The following CHIC2 variants were observed in gnomAD, a reference collection of about 807,000 sequenced individuals.
CHIC2 encodes the protein cysteine rich hydrophobic domain 2.
CHIC2 carries 14 observed loss-of-function variants against 25.9 expected under a neutral mutation model. That is an observed-to-expected ratio of 0.54 (90% CI 0.36 to 0.85). CHIC2 has a LOEUF of 0.85. CHIC2 is among the 40% of genes least tolerant of loss of function. The pLI, the probability that CHIC2 is intolerant of heterozygous loss-of-function variation, is 0.01. For missense variants in CHIC2, 146 were observed against 202.0 expected, an observed-to-expected ratio of 0.72 and a Z score of 1.68; for synonymous variants, 70 against 72.0, an observed-to-expected ratio of 0.97 and a Z score of 0.14.
At chr4:54,080,020 G>A in the CHIC2 span, among the ~76,000 whole-genome samples, 1 of 151,056 alleles carries the variant, frequency 6.6e-6, no homozygotes, top group South Asian at 2.1e-4. Context: ...AAATGAAATC[G>A]GTATCTCAAA....
At chr4:54,078,938 C>T in the CHIC2 span, among the ~76,000 whole-genome samples, 7 of 151,364 alleles carry the variant, frequency 4.6e-5, no homozygotes, top group African/African-American at 7.3e-5. Flanking sequence ...CTTACAGAGC[C>T]GGGTGCGGTG....
Position 54,064,201 on chromosome 4 carries a change from C to G in CHIC2, c.100G>C (p.Gly34Arg). 1 of 1,604,942 alleles carries G rather than the reference C, an allele frequency of 6.2e-7. No individual in the cohort carries two copies. The highest frequency in any genetic ancestry group is 8.5e-7 in the Non-Finnish European group (1 of 1,175,888). ...CCTTACACGGTGACGTGACCGGAGC[C>G]GCGGACGACCACCGGGTCCGGCGAG... ...KYSPDPVVVRGSGHVTVFGLS... is the reference protein window; with the variant it reads ...KYSPDPVVVRRSGHVTVFGLS... Residue 34 changes from glycine to arginine, a missense_variant, in exon 1 of 6, where the codon GGC (glycine) becomes CGC (arginine). Gly to Arg is a moderately radical substitution (Grantham distance 125). Transcript: ENST00000263921. The surrounding 1 kb of genome is among the most constrained non-coding windows in gnomAD (Gnocchi z 4.2).
the CHIC2 span, chr4:54,087,646 T>C: frequency 1.7e-6 from 1 of 572,540 alleles, no homozygotes; most frequent in Non-Finnish European, 3.0e-6. Context: ...GGCCTATATA[T>C]CCCTTGATGA....
At chr4:54,074,597 AACAC>A in the CHIC2 span, among the ~76,000 whole-genome samples, 7,299 of 139,640 alleles carry the variant, frequency 0.052, 258 homozygotes, top group African/African-American at 0.11. Flanking sequence ...ACAACACACA[AACAC>A]ACACACACAC....
At chr4:54,070,418 G>GTATT in the CHIC2 span, among the ~76,000 whole-genome samples, 10 of 119,068 alleles carry the variant, frequency 8.4e-5, no homozygotes, top group Non-Finnish European at 1.2e-4. Context: ...ATGTATTTAT[G>GTATT]TATTTATTTA....
chr4:54,036,039 T>C (rs372315122), intron 3 of CHIC2, among the ~76,000 whole-genome samples: 6 of 152,364 alleles, frequency 3.9e-5, no homozygotes, highest in African/African-American at 1.4e-4. Flanking sequence ...TTTAATTTAA[T>C]TTTATTGTGG....
In CHIC2 at chr4:54,032,653, T is replaced by C. The variant is rs573377061; in HGVS notation, c.330+16302A>G. 4.6e-5 allele frequency among the ~76,000 whole-genome samples: 7 copies of C among 151,972 alleles called. No individual in the cohort carries two copies. The South Asian group carries it at 1.5e-3, about 32-fold the overall frequency. ...AAAATTTATATACCTAATTACAGAG[T>C]GCCAAAATACATACAGCATAAGCTG... On this transcript the variant is annotated intron_variant, in intron 3 of 5. Coordinates refer to ENST00000263921, the MANE Select transcript of CHIC2 (RefSeq NM_012110.4).
At chr4:54,076,713 T>C in the CHIC2 span, 1 of 152,272 alleles carries the variant, frequency 6.6e-6, no homozygotes, top group African/African-American at 2.4e-5. Flanking sequence ...CTTGTAATGC[T>C]GGGGGTTGCA....
chr4:54,039,838 T>A (rs1011952561), intron 3 of CHIC2, among the ~76,000 whole-genome samples: 3 of 152,100 alleles, frequency 2.0e-5, no homozygotes, highest in African/African-American at 7.2e-5. Context: ...ATCCATACAA[T>A]GGAATACTAC....
At chr4:54,057,284 C>T (rs1365099318) in intron 1 of CHIC2, among the ~76,000 whole-genome samples, 1 of 152,182 alleles carries the variant, frequency 6.6e-6, no homozygotes, top group East Asian at 1.9e-4. Context: ...CTATAACCTT[C>T]TAAATTTCAT....
chr4:54,053,796 A>G (rs1326850989), intron 1 of CHIC2, among the ~76,000 whole-genome samples: 1 of 151,840 alleles, frequency 6.6e-6, no homozygotes, highest in Non-Finnish European at 1.5e-5. Context: ...CGAGTATTTT[A>G]TTTTATTTTT....
At chr4:54,026,477 G>A (rs1054393530) in intron 3 of CHIC2, among the ~76,000 whole-genome samples, 4 of 152,182 alleles carry the variant, frequency 2.6e-5, no homozygotes, top group Admixed American at 1.3e-4. Flanking sequence ...CCAAGAGTGT[G>A]CCACTGCACT....
chr4:54,023,129 C>T (rs78907050), intron 3 of CHIC2, among the ~76,000 whole-genome samples: 2,758 of 152,224 alleles, frequency 0.018, 78 homozygotes, highest in African/African-American at 0.063. Context: ...GCTGCCACCA[C>T]GCTAGCTCTC....
At position 54,014,141 on chromosome 4, in the gene CHIC2, A is replaced by C. The variant is rs766292330; in HGVS notation, c.331-22T>G. The C allele has an allele frequency of 4.3e-6, 7 of 1,611,534 alleles. No individual in the cohort carries two copies. The Admixed American group carries it at 8.4e-5, about 19-fold the overall frequency. On this transcript the variant is annotated intron_variant, in intron 3 of 5. Coordinates refer to ENST00000263921, the MANE Select transcript of CHIC2 (RefSeq NM_012110.4). Reference sequence around the variant, plus strand: ...GTGTCTGGAAGACAAATGAGAAAAAAGTTTACTCTTGACTGGTTTTAGAAA... The same window carrying C: ...GTGTCTGGAAGACAAATGAGAAAAACGTTTACTCTTGACTGGTTTTAGAAA...
At chr4:54,070,385 T>C in the CHIC2 span, among the ~76,000 whole-genome samples, 1 of 139,800 alleles carries the variant, frequency 7.2e-6, no homozygotes, top group African/African-American at 2.6e-5. Flanking sequence ...ATTTTTATTA[T>C]TTATTTATTT....
At chr4:54,067,108 GACTTAAT>G (rs1717534176), upstream of CHIC2, among the ~76,000 whole-genome samples, 2 of 152,182 alleles carry the variant, frequency 1.3e-5, no homozygotes, top group South Asian at 4.1e-4. Flanking sequence ...AGAACACTGT[GACTTAAT>G]TAGGCTTCAG....
the CHIC2 span, among the ~76,000 whole-genome samples, chr4:54,085,196 C>A: frequency 6.6e-6 from 1 of 152,150 alleles, no homozygotes; most frequent in African/African-American, 2.4e-5. Flanking sequence ...TCTTTAAAAA[C>A]CTGTTCAGAA....
the CHIC2 span, among the ~76,000 whole-genome samples, chr4:54,090,472 A>G: frequency 2.0e-5 from 3 of 152,222 alleles, no homozygotes; most frequent in African/African-American, 7.2e-5. Context: ...GACATGAGCC[A>G]CCACAACCGG....
intron 3 of CHIC2, among the ~76,000 whole-genome samples, chr4:54,021,478 C>T (rs977676341): frequency 1.3e-5 from 2 of 152,052 alleles, no homozygotes; most frequent in Non-Finnish European, 2.9e-5. Context: ...GAGCCAGGTC[C>T]CAATTCTTCC....
Sources: gnomAD v4.1 joint callset for allele counts (sites outside exome capture counted in the v4.1 genomes callset) on GRCh38, gnomAD v4.1.1 for gene constraint, Gnocchi (gnomAD v3.1) non-coding constraint, MANE v1.5 for transcripts, NCBI Gene and HGNC (gene_info 2026-07-23, HGNC 2026-07-21) for gene names.